LHFPL2: variants seen among roughly 807,000 people sequenced by gnomAD.
LHFPL2 encodes the protein LHFPL tetraspan subfamily member 2.
LHFPL2 carries 7 observed loss-of-function variants against 17.5 expected under a neutral mutation model. That is an observed-to-expected ratio of 0.40 (90% CI 0.23 to 0.75). LHFPL2 has a LOEUF of 0.75. Ranked by LOEUF, LHFPL2 falls within the 30% of genes least tolerant of loss-of-function variation. The pLI is 0.37. For missense variants in LHFPL2, 241 were observed against 294.8 expected (o/e 0.82, Z 1.34); for synonymous variants, 134 against 116.2 (o/e 1.15, Z -0.99).
chr5:78,539,940 G>T (rs2112373605), intron 3 of LHFPL2, among the ~76,000 whole-genome samples: 1 of 151,378 alleles, frequency 6.6e-6, no homozygotes, highest in East Asian at 1.9e-4. Context: ...ACTGTGCTTG[G>T]TTAGGACCAC....
At chr5:78,574,813 A>C (rs2112431559) in intron 2 of LHFPL2, among the ~76,000 whole-genome samples, 1 of 152,366 alleles carries the variant, frequency 6.6e-6, no homozygotes, top group Non-Finnish European at 1.5e-5. Context: ...TTTCGCTTAC[A>C]TGAAGTGAAG....
chr5:78,563,569 G>A (rs1756785443), intron 3 of LHFPL2, among the ~76,000 whole-genome samples: 1 of 151,956 alleles, frequency 6.6e-6, no homozygotes, highest in Non-Finnish European at 1.5e-5. Flanking sequence ...AGTTGTGCAT[G>A]TCTGTAGTCC....
chr5:78,594,037 C>T lies in LHFPL2; in HGVS notation c.-244-29166G>A, dbSNP rs148695010. Among the ~76,000 whole-genome samples the T allele has an allele frequency of 5.8e-3, 880 of 152,318 alleles. 8 individuals carry two copies. Among genetic ancestry groups the T allele is most frequent in the African/African-American group, 0.02 (827 of 41,566 alleles). On this transcript the variant is annotated intron_variant, in intron 2 of 4. Coordinates refer to ENST00000380345, the MANE Select transcript of LHFPL2 (RefSeq NM_005779.3). ...AGATAGGAACTCATTTAAGCCTCAC[C>T]AGCCCAGGTACTATTTTATGCACTG... is the stretch of plus-strand genomic sequence containing the variant.
intron 3 of LHFPL2, among the ~76,000 whole-genome samples, chr5:78,520,039 A>G (rs984689780): frequency 4.6e-4 from 69 of 151,256 alleles, no homozygotes; most frequent in Non-Finnish European, 1.3e-4. Flanking sequence ...CCTCATCTCT[A>G]AAGTGGGGGT....
intron 2 of LHFPL2, among the ~76,000 whole-genome samples, chr5:78,572,445 T>C (rs983598322): frequency 6.6e-6 from 1 of 150,716 alleles, no homozygotes; most frequent in Non-Finnish European, 1.5e-5. Context: ...TATGTATGTG[T>C]ATATATATGT....
intron 2 of LHFPL2, among the ~76,000 whole-genome samples, chr5:78,617,257 T>C (rs918447130): frequency 3.9e-5 from 6 of 152,096 alleles, no homozygotes; most frequent in African/African-American, 1.4e-4. Flanking sequence ...CTCAAACTCC[T>C]GACCTTAGGT....
chr5:78,564,891 A>G lies in LHFPL2; in HGVS notation c.-244-20T>C, dbSNP rs1756819043. 2 of 152,240 alleles carry G rather than the reference A, an allele frequency of 1.3e-5. No individual in the cohort carries two copies. The highest frequency in any genetic ancestry group is 2.9e-5 in the Non-Finnish European group (2 of 68,042). The allele number at this position is 152,240 out of a possible 1,614,324, so 9.4% of individuals were successfully genotyped here. ...TGCCACCTGGAAAAACAAATTGAACAAAGAGTTAGATTTTAAAAACACATA... is the reference window on the plus strand; with the variant it reads ...TGCCACCTGGAAAAACAAATTGAACGAAGAGTTAGATTTTAAAAACACATA... On this transcript the variant is annotated intron_variant, in intron 2 of 4. Transcript: ENST00000380345.
At chr5:78,521,378 G>A (rs1755453183) in intron 3 of LHFPL2, among the ~76,000 whole-genome samples, 1 of 152,130 alleles carries the variant, frequency 6.6e-6, no homozygotes. Flanking sequence ...AAAATGTCTT[G>A]TTTTGTTATC....
chr5:78,494,260 TG>T, intron 4 of LHFPL2: 3 of 613,544 alleles, frequency 4.9e-6, no homozygotes, highest in Non-Finnish European at 6.1e-6. Context: ...CAAGCCCAGC[TG>T]GGAGGAAGAA....
chr5:78,583,911 C>T (rs971073821), intron 2 of LHFPL2, among the ~76,000 whole-genome samples: 23 of 151,734 alleles, frequency 1.5e-4, no homozygotes, highest in African/African-American at 5.3e-4. Context: ...CCATCACTTT[C>T]AGGTACACCA....
At chr5:78,503,033 C>G (rs577776960) in intron 4 of LHFPL2, among the ~76,000 whole-genome samples, 10 of 82,208 alleles carry the variant, frequency 1.2e-4, no homozygotes, top group Non-Finnish European at 1.9e-4. Context: ...TTTAATAAAG[C>G]TACTGGGAAG....
intron 2 of LHFPL2, among the ~76,000 whole-genome samples, chr5:78,574,349 C>T (rs1757075564): frequency 6.6e-6 from 1 of 152,202 alleles, no homozygotes; most frequent in Non-Finnish European, 1.5e-5. Flanking sequence ...GCTGGGATAT[C>T]CTTCCATGCC....
intron 3 of LHFPL2, among the ~76,000 whole-genome samples, chr5:78,554,603 C>A (rs140374899): frequency 6.6e-6 from 1 of 152,224 alleles, no homozygotes; most frequent in Admixed American, 6.5e-5. Context: ...CAGACTAAAG[C>A]CACTTGATAC....
intron 2 of LHFPL2, among the ~76,000 whole-genome samples, chr5:78,607,913 T>C (rs148705513): frequency 2.3e-3 from 347 of 152,308 alleles, no homozygotes; most frequent in Middle Eastern, 0.014. Flanking sequence ...ATGTTAAATA[T>C]GAAATCACTC....
At chr5:78,494,625 CTCACCGA>C in intron 4 of LHFPL2, 1 of 474,160 alleles carries the variant, frequency 2.1e-6, no homozygotes, top group Non-Finnish European at 2.8e-6. Flanking sequence ...CCTTGACAAC[CTCACCGA>C]TGGTCATGGT....
intron 2 of LHFPL2, among the ~76,000 whole-genome samples, chr5:78,576,988 ATT>A (rs1757150405): frequency 6.6e-6 from 1 of 152,180 alleles, no homozygotes; most frequent in African/African-American, 2.4e-5. Context: ...TTCTTTAGAG[ATT>A]TTGTTAATAG....
At chr5:78,644,751 T>G (rs758933770) in intron 1 of LHFPL2, 3 of 237,074 alleles carry the variant, frequency 1.3e-5, no homozygotes, top group Admixed American at 4.1e-5. Context: ...TGACTGAGCA[T>G]CTGGGTGCTT....
chr5:78,600,598 C>T (rs1743978497), intron 2 of LHFPL2, among the ~76,000 whole-genome samples: 1 of 152,096 alleles, frequency 6.6e-6, no homozygotes, highest in Non-Finnish European at 1.5e-5. Flanking sequence ...CATGGTGGCA[C>T]ATCCCTGTAA....
intron 3 of LHFPL2, among the ~76,000 whole-genome samples, chr5:78,526,849 CCAAT>C (rs1408828860): frequency 6.6e-6 from 1 of 152,186 alleles, no homozygotes; most frequent in East Asian, 1.9e-4. Context: ...ACCCCAACAT[CCAAT>C]CAAAGACATC....
Sources: allele counts gnomAD v4.1 joint callset (sites outside exome capture counted in the v4.1 genomes callset), GRCh38; gene constraint gnomAD v4.1.1; transcripts MANE v1.5; gene names NCBI Gene and HGNC (gene_info 2026-07-23, HGNC 2026-07-21).